Variants in STXBP6 observed in about 807,000 individuals in gnomAD.
The protein encoded by STXBP6 is syntaxin-binding protein 6.
STXBP6 carries 21 observed loss-of-function variants against 26.9 expected under a neutral mutation model. The ratio of observed to expected loss-of-function variants is 0.78; its 90% CI spans 0.55 to 1.12. The LOEUF is 1.12. STXBP6 is among the 50% of genes most tolerant of loss of function. The pLI, the probability that STXBP6 is intolerant of heterozygous loss-of-function variation, is 0.00. For synonymous variants in STXBP6, 97 were observed against 92.6 expected, an observed-to-expected ratio of 1.05 and a Z score of -0.27; for missense variants, 232 against 257.9, an observed-to-expected ratio of 0.90 and a Z score of 0.69.
intron 2 of STXBP6, among the ~76,000 whole-genome samples, chr14:24,938,531 T>G (rs1266187602): frequency 6.6e-6 from 1 of 151,764 alleles, no homozygotes; most frequent in East Asian, 1.9e-4. Flanking sequence ...ACCAAATACC[T>G]TTCCAGATTC....
intron 4 of STXBP6, among the ~76,000 whole-genome samples, chr14:24,846,723 T>G (rs1449507592): frequency 6.6e-6 from 1 of 152,202 alleles, no homozygotes; most frequent in Non-Finnish European, 1.5e-5. Flanking sequence ...GTAGGTACAC[T>G]GCAGGTAGAA....
chr14:24,939,347 G>C (rs558128927), intron 2 of STXBP6, among the ~76,000 whole-genome samples: 1 of 152,200 alleles, frequency 6.6e-6, no homozygotes, highest in South Asian at 2.1e-4. Flanking sequence ...ATATCTGTTA[G>C]GCAAGCTAAA....
chr14:24,973,115 C>G (rs2073947255), intron 2 of STXBP6, among the ~76,000 whole-genome samples: 1 of 152,108 alleles, frequency 6.6e-6, no homozygotes, highest in African/African-American at 2.4e-5. Context: ...GAGACCCTGT[C>G]TCAAAACAAA....
chr14:24,817,327 T>C (rs1566374368), intron 5 of STXBP6: 3 of 152,252 alleles, frequency 2.0e-5, no homozygotes, highest in Admixed American at 1.3e-4. Flanking sequence ...CCAGGTATTG[T>C]CTATGCCACC....
At chr14:24,857,451 C>A (rs1410652609) in intron 2 of STXBP6, among the ~76,000 whole-genome samples, 2 of 151,960 alleles carry the variant, frequency 1.3e-5, no homozygotes, top group African/African-American at 4.8e-5. Flanking sequence ...GTGAATAACA[C>A]CAAGCACCTT....
At chr14:24,910,580 A>T (rs1179938495) in intron 2 of STXBP6, among the ~76,000 whole-genome samples, 2 of 151,860 alleles carry the variant, frequency 1.3e-5, no homozygotes, top group East Asian at 3.8e-4. Flanking sequence ...CGGTCTTAAA[A>T]TCAATATCTT....
intron 4 of STXBP6, among the ~76,000 whole-genome samples, chr14:24,829,778 A>G (rs1186812880): frequency 1.3e-5 from 2 of 151,822 alleles, no homozygotes; most frequent in African/African-American, 2.4e-5. Flanking sequence ...CTCCACACAC[A>G]TTGTCCCCAC....
intron 2 of STXBP6, among the ~76,000 whole-genome samples, chr14:24,937,685 A>C (rs1471634575): frequency 2.0e-5 from 3 of 152,252 alleles, no homozygotes; most frequent in Non-Finnish European, 1.5e-5. Flanking sequence ...CATAGCTGAT[A>C]TATGTTTTAA....
intron 3 of STXBP6, among the ~76,000 whole-genome samples, chr14:24,856,568 T>C (rs948481370): frequency 6.6e-6 from 1 of 152,058 alleles, no homozygotes; most frequent in East Asian, 1.9e-4. Context: ...GTACTTTGCA[T>C]AGATAACTAT....
chr14:24,914,249 G>T (rs556045281), intron 2 of STXBP6, among the ~76,000 whole-genome samples: 1 of 151,784 alleles, frequency 6.6e-6, no homozygotes, highest in Non-Finnish European at 1.5e-5. Flanking sequence ...ACTGTCCTTG[G>T]CTCTTCCCTT....
intron 1 of STXBP6, among the ~76,000 whole-genome samples, chr14:24,996,431 G>C (rs995413852): frequency 1.1e-4 from 16 of 151,982 alleles, no homozygotes. Context: ...CTCTGCTATT[G>C]CCCTAGAAGC....
chr14:24,887,737 A>G (rs150038339), intron 2 of STXBP6, among the ~76,000 whole-genome samples: 309 of 152,312 alleles, frequency 2.0e-3, no homozygotes, highest in Non-Finnish European at 3.5e-3. Flanking sequence ...ACACTAAAGG[A>G]AAACCAAAAC....
intron 1 of STXBP6, among the ~76,000 whole-genome samples, chr14:25,018,465 A>T (rs2075200129): frequency 6.6e-6 from 1 of 152,222 alleles, no homozygotes; most frequent in South Asian, 2.1e-4. Context: ...ATAATAAAAT[A>T]TCAGGGGGCC....
chr14:25,032,921 T>A (rs182203099), intron 1 of STXBP6, among the ~76,000 whole-genome samples: 1 of 152,200 alleles, frequency 6.6e-6, no homozygotes, highest in African/African-American at 2.4e-5. Flanking sequence ...ATGAAATGCA[T>A]TGGGGGTTGT....
chr14:24,909,980 T>C (rs2071514114), intron 2 of STXBP6, among the ~76,000 whole-genome samples: 2 of 151,998 alleles, frequency 1.3e-5, no homozygotes, highest in East Asian at 2.0e-4. Context: ...TGTGTAAAAA[T>C]AGGTATAATC....
intron 2 of STXBP6, among the ~76,000 whole-genome samples, chr14:24,927,338 C>T (rs1052716924): frequency 6.6e-6 from 1 of 152,196 alleles, no homozygotes; most frequent in African/African-American, 2.4e-5. Context: ...AAATGTTAAT[C>T]TTTGGTTCTC....
intron 1 of STXBP6, among the ~76,000 whole-genome samples, chr14:24,985,119 G>T (rs2074299208): frequency 6.6e-6 from 1 of 152,192 alleles, no homozygotes; most frequent in Non-Finnish European, 1.5e-5. Flanking sequence ...CTGGATATCT[G>T]TTCATCTTGT....
chr14:24,989,324 T>C (rs1437510474), intron 1 of STXBP6, among the ~76,000 whole-genome samples: 2 of 152,250 alleles, frequency 1.3e-5, no homozygotes, highest in East Asian at 3.9e-4. Context: ...ATTGGGAAAG[T>C]TGTAAGAATA....
chr14:24,827,802 A>T (rs1454268910), intron 4 of STXBP6, among the ~76,000 whole-genome samples: 1 of 152,182 alleles, frequency 6.6e-6, no homozygotes, highest in Non-Finnish European at 1.5e-5. Context: ...GGCCTTTCTT[A>T]ATCTAGTTCC....
Sources: allele counts gnomAD v4.1 joint callset (sites outside exome capture counted in the v4.1 genomes callset), GRCh38; gene constraint gnomAD v4.1.1; transcripts MANE v1.5; gene names NCBI Gene and HGNC (gene_info 2026-07-23, HGNC 2026-07-21).